The following ELAPOR1 variants were observed in gnomAD, a reference collection of about 807,000 sequenced individuals.
ELAPOR1 encodes endosome/lysosome-associated apoptosis and autophagy regulator 1.
ELAPOR1 carries 77 observed loss-of-function variants against 119.7 expected under a neutral mutation model. The ratio of observed to expected loss-of-function variants is 0.64; its 90% CI spans 0.54 to 0.78. The LOEUF is 0.78. ELAPOR1 is among the 30% of genes least tolerant of loss of function. ELAPOR1 has a pLI of 0.00. For missense variants in ELAPOR1, 1,115 were observed against 1,270.4 expected (o/e 0.88, Z 1.86); for synonymous variants, 481 against 487.2 (o/e 0.99, Z 0.17).
intron 8 of ELAPOR1, chr1:109,186,652 G>A (rs1488961966): frequency 1.0e-6 from 1 of 985,308 alleles, no homozygotes; most frequent in Non-Finnish European, 1.2e-6. Context: ...GTATGACCTT[G>A]TGAACATTTA....
chr1:109,192,463 G>A (rs1653498354), intron 13 of ELAPOR1, 148 bp from the exon 14 acceptor site: 2 of 814,786 alleles, frequency 2.5e-6, no homozygotes, highest in East Asian at 4.9e-5. Context: ...AGAGCTACTG[G>A]TAAGTGAGTA....
intron 15 of ELAPOR1, among the ~76,000 whole-genome samples, chr1:109,195,102 T>G (rs1653701883): frequency 1.3e-5 from 2 of 151,860 alleles, no homozygotes; most frequent in Non-Finnish European, 2.9e-5. Flanking sequence ...AAGGTGAAAC[T>G]TCATCTCAGA....
intron 14 of ELAPOR1, among the ~76,000 whole-genome samples, chr1:109,193,522 A>T (rs1653582478): frequency 6.6e-6 from 1 of 152,148 alleles, no homozygotes. Flanking sequence ...GTCTCTAATT[A>T]AAAAAATAAA....
chr1:109,202,426 AT>A (rs1283622353), intron 21 of ELAPOR1, among the ~76,000 whole-genome samples: 5 of 147,442 alleles, frequency 3.4e-5, no homozygotes, highest in African/African-American at 1.3e-4. Context: ...GGCCAAAAAC[AT>A]TTTTTTAAAA....
chr1:109,130,907 G>A (rs1428209409), intron 1 of ELAPOR1, among the ~76,000 whole-genome samples: 1 of 152,166 alleles, frequency 6.6e-6, no homozygotes, highest in Non-Finnish European at 1.5e-5. Context: ...GGAGGCTGAG[G>A]CAGGAGGATC....
chr1:109,121,169 G>T (rs1041345286), intron 1 of ELAPOR1, among the ~76,000 whole-genome samples: 1 of 151,764 alleles, frequency 6.6e-6, no homozygotes, highest in Admixed American at 6.6e-5. Flanking sequence ...TTTTTGAGAT[G>T]GAGTTTCCTT....
chr1:109,202,910 C>A (rs1191595685), intron 21 of ELAPOR1, 34 bp from the exon 22 acceptor site: 1 of 1,612,962 alleles, frequency 6.2e-7, no homozygotes, highest in Non-Finnish European at 8.5e-7. Flanking sequence ...TGCCCCTGTG[C>A]AGCAGCCAGC....
At chr1:109,125,628 C>T (rs1487200485) in intron 1 of ELAPOR1, among the ~76,000 whole-genome samples, 1 of 151,976 alleles carries the variant, frequency 6.6e-6, no homozygotes. Flanking sequence ...TTGTGATCTG[C>T]CCGCCTTGGC....
At chr1:109,181,516 T>C (rs1336698430) in intron 7 of ELAPOR1, among the ~76,000 whole-genome samples, 1 of 152,196 alleles carries the variant, frequency 6.6e-6, no homozygotes, top group East Asian at 1.9e-4. Flanking sequence ...GATCAGTGTG[T>C]AAACAGCTGA....
intron 18 of ELAPOR1, 116 bp from the exon 19 acceptor site, chr1:109,199,738 A>T: frequency 8.3e-7 from 1 of 1,205,870 alleles, no homozygotes; most frequent in Non-Finnish European, 1.2e-6. Context: ...TGGTAGGGCT[A>T]ATGGTTTGGG....
chr1:109,177,947 C>G (rs1189620184), intron 7 of ELAPOR1, among the ~76,000 whole-genome samples: 2 of 151,794 alleles, frequency 1.3e-5, no homozygotes, highest in East Asian at 3.9e-4. Flanking sequence ...AATCTATTTT[C>G]CTTCTGCCAC....
At chr1:109,121,166 G>A (rs1648389328) in intron 1 of ELAPOR1, among the ~76,000 whole-genome samples, 1 of 151,982 alleles carries the variant, frequency 6.6e-6, no homozygotes, top group East Asian at 1.9e-4. Flanking sequence ...TTTTTTTTGA[G>A]ATGGAGTTTC....
At chr1:109,144,061 A>ATATATATATATATATATTTTTTTT in intron 1 of ELAPOR1, among the ~76,000 whole-genome samples, 2 of 89,018 alleles carry the variant, frequency 2.2e-5, no homozygotes, top group African/African-American at 4.8e-5. Context: ...ATATTTATAT[A>ATATATATATATATATATTTTTTTT]TTTTTTTTTT....
chr1:109,189,145 G>A lies in ELAPOR1; in HGVS notation c.1299G>A (p.Met433Ile), dbSNP rs765813551. The change falls in exon 10 of 22, where the codon ATG becomes ATA. Residue 433 changes from methionine to isoleucine, a missense_variant. Physicochemically the swap from Met to Ile is conservative, Grantham distance 10. Transcript: ENST00000369939. ...GGTGGAACACGCTGCCCACAAACAT[G>A]GAAACGACCGTTCTCAGTGGGATCA... ...YKWWNTLPTN[M>I]ETTVLSGINF... 2.5e-6 allele frequency: 4 copies of A among 1,614,178 alleles called. No individual in the cohort carries two copies. In the South Asian group the frequency reaches 4.4e-5, roughly 18 times the overall value.
In ELAPOR1 at chr1:109,177,532, A is replaced by T. The variant is rs924167085; in HGVS notation, c.952+3695A>T. Among the ~76,000 whole-genome samples, 9 of 139,724 alleles carry T rather than the reference A, an allele frequency of 6.4e-5. 1 individual carries two copies. Among genetic ancestry groups the T allele is most frequent in the Non-Finnish European group, 1.4e-4 (9 of 65,674 alleles). The allele number at this position is 139,724 out of a possible 152,430, so 91.7% of individuals were successfully genotyped here. On this transcript the variant is annotated intron_variant, in intron 7 of 21. Transcript: ENST00000369939. ...GGAAGAGGCGCTCCTCACTTCCCAG[A>T]CGGGGTGGCGGCCGGGCAGAGGCTG...
In ELAPOR1 at chr1:109,114,283, A is replaced by G. The variant is rs1647816798; in HGVS notation, c.100A>G (p.Thr34Ala). Reference protein sequence around the residue: ...RLWRLLLWAGTAFQVTQGTGP... With the variant: ...RLWRLLLWAGAAFQVTQGTGP... ...GTGGCGGCTGCTGCTCTGGGCTGGG[A>G]CCGCCTTCCAGGTGACCCAGGGAAC... is the stretch of plus-strand genomic sequence containing the variant. The change falls in exon 1 of 22, where the codon ACC becomes GCC. Residue 34 changes from threonine to alanine, a missense_variant. By Grantham distance (58) the Thr-to-Ala change is moderately conservative. Coordinates refer to ENST00000369939, the MANE Select transcript of ELAPOR1 (RefSeq NM_020775.5). 1.2e-6 allele frequency: 2 copies of G among 1,600,022 alleles called. No homozygotes were observed. The highest frequency in any genetic ancestry group is 2.7e-5 in the African/African-American group (2 of 74,700).
chr1:109,199,883 G>C lies in ELAPOR1; in HGVS notation c.2531G>C (p.Cys844Ser). The change falls in exon 19 of 22, where the codon TGC (cysteine) becomes TCC (serine). Residue 844 changes from cysteine (C) to serine (S), a missense_variant. By Grantham distance (112) the Cys-to-Ser change is moderately radical (BLOSUM62 -1). Transcript: ENST00000369939. The stretch of plus-strand genomic sequence containing the variant: ...TGCTCGGATGGGACCTGTGATGGCT[G>C]CAACTTCCACTTCCTGTGGGAGAGC... ...GTCSDGTCDG[C>S]NFHFLWESAA... 1 of 1,613,348 alleles carries C rather than the reference G, an allele frequency of 6.2e-7. No homozygotes were observed. The highest frequency in any genetic ancestry group is 8.5e-7 in the Non-Finnish European group (1 of 1,180,034).
chr1:109,136,479 G>A (rs548407719), intron 1 of ELAPOR1, among the ~76,000 whole-genome samples: 6 of 152,264 alleles, frequency 3.9e-5, no homozygotes, highest in Non-Finnish European at 7.4e-5. Context: ...CTGGCATCCA[G>A]AACTGTGCGA....
intron 1 of ELAPOR1, among the ~76,000 whole-genome samples, chr1:109,157,467 G>C (rs1350694367): frequency 6.6e-6 from 1 of 152,036 alleles, no homozygotes; most frequent in East Asian, 1.9e-4. Flanking sequence ...TCCCTCTCTG[G>C]GCAGATGCAA....
Sources: allele counts gnomAD v4.1 joint callset (sites outside exome capture counted in the v4.1 genomes callset), GRCh38; gene constraint gnomAD v4.1.1; transcripts MANE v1.5; gene names NCBI Gene and HGNC (gene_info 2026-07-23, HGNC 2026-07-21).